The following CENATAC variants were observed in gnomAD, a reference collection of about 807,000 sequenced individuals.
The protein encoded by CENATAC is centrosomal AT-AC splicing factor.
Under a neutral mutation model 53.7 loss-of-function variants are expected in CENATAC, and 53 were observed. That is an observed-to-expected ratio of 0.99 (90% CI 0.79 to 1.24). CENATAC has a LOEUF of 1.24. Among genes scored for constraint, CENATAC ranks in the 50% most tolerant of loss-of-function variants. The pLI is 0.00. For synonymous variants in CENATAC, 156 were observed against 144.6 expected, an observed-to-expected ratio of 1.08 and a Z score of -0.57; for missense variants, 474 against 417.8, an observed-to-expected ratio of 1.13 and a Z score of -1.17.
intron 9 of CENATAC, 27 bp downstream of exon 9, chr11:119,015,110 C>T (rs570923604): frequency 1.1e-5 from 17 of 1,555,962 alleles, no homozygotes; most frequent in Admixed American, 5.3e-5. Context: ...AAGAGAGGAT[C>T]GTCTAAATCT....
rs1942158674 is a variant in CENATAC at position 118,999,106 on chromosome 11, C to T, written c.380C>T (p.Ala127Val). 3.1e-6 allele frequency: 5 copies of T among 1,608,486 alleles called. No homozygotes were observed. The highest frequency in any genetic ancestry group is 4.3e-6 in the Non-Finnish European group (5 of 1,175,006). Residue 127 changes from alanine (A) to valine (V), a missense_variant, in exon 3 of 11, where the codon GCG (alanine) becomes GTG (valine). By Grantham distance (64) the Ala-to-Val change is moderately conservative. Coordinates refer to ENST00000334418, the MANE Select transcript of CENATAC (RefSeq NM_198489.3). The part of the protein sequence containing the change: ...EKFLVTPQDY[A>V]RFKKSMVKGL... ...TTTCTGGTCACTCCCCAGGATTATGCGCGGTGAGTCACTGGTATGGAACGT... is the reference window on the plus strand; with the variant it reads ...TTTCTGGTCACTCCCCAGGATTATGTGCGGTGAGTCACTGGTATGGAACGT...
chr11:119,009,187 G>A (rs1207713667), intron 3 of CENATAC, among the ~76,000 whole-genome samples: 1 of 152,012 alleles, frequency 6.6e-6, no homozygotes, highest in Non-Finnish European at 1.5e-5. Flanking sequence ...GGAGTGCAGT[G>A]GCCCGATCTC....
chr11:119,000,591 A>G (rs1322696642), intron 3 of CENATAC, among the ~76,000 whole-genome samples: 3 of 151,782 alleles, frequency 2.0e-5, no homozygotes, highest in Non-Finnish European at 4.4e-5. Context: ...CCCTGTCTCT[A>G]CTAAAAATAC....
In CENATAC at chr11:119,015,724, A is replaced by G; in HGVS notation, c.*126A>G. On this transcript the variant is annotated 3_prime_UTR_variant, in exon 11 of 11. Coordinates refer to ENST00000334418, the MANE Select transcript of CENATAC (RefSeq NM_198489.3). Reference sequence around the variant, plus strand: ...ACATACTCATTCATTTGATTTAATAAAGTTTTATTTTTCCAAATGTACAGC... The same window carrying G: ...ACATACTCATTCATTTGATTTAATAGAGTTTTATTTTTCCAAATGTACAGC... 1 of 1,295,666 alleles carries G rather than the reference A, an allele frequency of 7.7e-7. No homozygotes were observed. The highest frequency in any genetic ancestry group is 1.1e-6 in the Non-Finnish European group (1 of 912,084). 80.3% of individuals were successfully genotyped at this position (1,295,666 alleles called of 1,614,324 possible). A position where few individuals can be genotyped will look rare whatever the true frequency, so the allele number is the denominator to read the frequency against.
chr11:119,012,311 C>CTT (rs1210957853), intron 7 of CENATAC, 57 bp downstream of exon 7: 1 of 1,581,446 alleles, frequency 6.3e-7, no homozygotes, highest in East Asian at 2.3e-5. Context: ...CTCAGGACCC[C>CTT]TTTCTCCTGA....
intron 3 of CENATAC, among the ~76,000 whole-genome samples, chr11:119,000,842 C>T (rs1259022558): frequency 6.6e-6 from 1 of 152,094 alleles, no homozygotes; most frequent in African/African-American, 2.4e-5. Flanking sequence ...TGGGCTCAAG[C>T]AATCCGCCTG....
At chr11:119,006,106 G>A (rs1384399889) in intron 3 of CENATAC, among the ~76,000 whole-genome samples, 1 of 13,934 alleles carries the variant, frequency 7.2e-5, no homozygotes, top group East Asian at 1.4e-3. Flanking sequence ...TTTTTTTTTT[G>A]AGATGGAATC....
At chr11:119,011,882 G>GC in intron 5 of CENATAC, 57 bp from the exon 6 acceptor site, 1 of 1,509,446 alleles carries the variant, frequency 6.6e-7, no homozygotes, top group Admixed American at 1.7e-5. Flanking sequence ...TGGAGGCATG[G>GC]CCTAGGCAGG....
intron 9 of CENATAC, 23 bp from the exon 10 acceptor site, chr11:119,015,284 A>C: frequency 6.4e-7 from 1 of 1,573,522 alleles, no homozygotes; most frequent in East Asian, 2.2e-5. Flanking sequence ...AAGAAAAATA[A>C]AAGTTTCCCT....
rs190992140 is a variant in CENATAC at position 118,999,934 on chromosome 11, G to T, written c.383+825G>T. On this transcript the variant is annotated intron_variant, in intron 3 of 10. Coordinates refer to ENST00000334418, the MANE Select transcript of CENATAC (RefSeq NM_198489.3). ...TGGGATTACAGGCGTGAGCCACCGC[G>T]CCCGGCCAATTTTTGTATTTTTAGT... is the stretch of plus-strand genomic sequence containing the variant. Among the ~76,000 whole-genome samples the T allele has an allele frequency of 1.7e-3, 264 of 152,240 alleles. 1 individual carries two copies. Among genetic ancestry groups the T allele is most frequent in the African/African-American group, 6.0e-3 (249 of 41,542 alleles).
At chr11:119,010,927 C>G in intron 4 of CENATAC, 97 bp downstream of exon 4, 1 of 1,008,268 alleles carries the variant, frequency 9.9e-7, no homozygotes, top group East Asian at 2.5e-5. Context: ...GGGATGGTTT[C>G]AGAATGAGAC....
chr11:119,013,112 A>G (rs1271630091), intron 7 of CENATAC, 120 bp from the exon 8 acceptor site: 4 of 702,316 alleles, frequency 5.7e-6, no homozygotes, highest in African/African-American at 1.9e-5. Context: ...CAGAATTAGC[A>G]TTGTGGCAGC....
At chr11:119,008,421 A>G (rs749195078) in intron 3 of CENATAC, among the ~76,000 whole-genome samples, 13 of 152,230 alleles carry the variant, frequency 8.5e-5, no homozygotes, top group Non-Finnish European at 1.6e-4. Context: ...CTATGCCTGG[A>G]CGTGCACGTA....
chr11:119,012,019 A>C lies in CENATAC; in HGVS notation c.578+16A>C. 1 of 1,613,768 alleles carries C rather than the reference A, an allele frequency of 6.2e-7. No homozygotes were observed. Among genetic ancestry groups the C allele is most frequent in the Non-Finnish European group, 8.5e-7 (1 of 1,179,766 alleles). On this transcript the variant is annotated intron_variant, in intron 6 of 10. Coordinates refer to ENST00000334418, the MANE Select transcript of CENATAC (RefSeq NM_198489.3). Reference sequence around the variant, plus strand: ...GGATGAACAGGTAAGACTATTAGGGAATCTCTTGTTGGGAATTTGACATCT... The same window carrying C: ...GGATGAACAGGTAAGACTATTAGGGCATCTCTTGTTGGGAATTTGACATCT...
chr11:119,004,167 G>A (rs975472237), intron 3 of CENATAC, among the ~76,000 whole-genome samples: 17 of 151,882 alleles, frequency 1.1e-4, no homozygotes, highest in African/African-American at 3.4e-4. Context: ...ATTCTTTATA[G>A]TTTTCTAGTT....
intron 3 of CENATAC, chr11:119,003,621 C>CTTTT (rs138779092): frequency 0.015 from 1,899 of 128,810 alleles, 55 homozygotes; most frequent in African/African-American, 0.034. Flanking sequence ...ATTTCTCTCT[C>CTTTT]TTTTTTTTTT....
At chr11:119,004,059 T>G (rs570472347) in intron 3 of CENATAC, among the ~76,000 whole-genome samples, 1 of 152,354 alleles carries the variant, frequency 6.6e-6, no homozygotes, top group African/African-American at 2.4e-5. Context: ...AGCTTTCCTT[T>G]AATGTTACAA....
In CENATAC at chr11:119,015,090, A is replaced by C; in HGVS notation, c.805+7A>C. ...GAAGAATTTCTTAAAGAAAGTAAGT[A>C]AACTAATTCAAGAGAGGATCGTCTA... On this transcript the variant is annotated splice_region_variant and intron_variant, in intron 9 of 10. Coordinates refer to ENST00000334418, the MANE Select transcript of CENATAC (RefSeq NM_198489.3). 1.3e-6 allele frequency: 2 copies of C among 1,590,142 alleles called. No homozygotes were observed. Among genetic ancestry groups the C allele is most frequent in the South Asian group, 2.3e-5 (2 of 88,236 alleles).
chr11:118,998,624 A>G, intron 2 of CENATAC, 31 bp downstream of exon 2: 5 of 1,549,882 alleles, frequency 3.2e-6, no homozygotes, highest in Non-Finnish European at 3.5e-6. Flanking sequence ...CTGCTCCAGC[A>G]CAGACGCATA....
Sources: allele counts gnomAD v4.1 joint callset (sites outside exome capture counted in the v4.1 genomes callset), GRCh38; gene constraint gnomAD v4.1.1; transcripts MANE v1.5; gene names NCBI Gene and HGNC (gene_info 2026-07-23, HGNC 2026-07-21).